ZFYVE28: variants seen among roughly 807,000 people sequenced by gnomAD.
The protein encoded by ZFYVE28 is lateral signaling target protein 2 homolog.
Under a neutral mutation model 82.1 loss-of-function variants are expected in ZFYVE28, and 40 were observed. The observed-to-expected ratio is 0.49, with a 90% CI of 0.38 to 0.63. ZFYVE28 has a LOEUF of 0.63. Ranked by LOEUF, ZFYVE28 falls within the 30% of genes least tolerant of loss-of-function variation. The pLI is 0.00. For synonymous variants in ZFYVE28, 612 were observed against 546.1 expected (o/e 1.12, Z -1.68); for missense variants, 1,321 against 1,242.1 (o/e 1.06, Z -0.96).
intron 1 of ZFYVE28, among the ~76,000 whole-genome samples, chr4:2,406,330 C>T (rs1025171068): frequency 6.6e-6 from 1 of 152,080 alleles, no homozygotes; most frequent in Non-Finnish European, 1.5e-5. Context: ...CAAGATCGTG[C>T]CACTATACTC....
intron 8 of ZFYVE28, among the ~76,000 whole-genome samples, chr4:2,290,682 C>G (rs915668720): frequency 6.6e-6 from 1 of 152,212 alleles, no homozygotes; most frequent in Admixed American, 6.5e-5. Context: ...CGGCCTCACC[C>G]CTCTCCTGCT....
chr4:2,418,452 C>T lies in ZFYVE28; in HGVS notation c.-129G>A, dbSNP rs1733373691. ...CCCCGCGCTGTCGCAGGGAGGCTGG[C>T]TAGCGAAGCCCGGAGCGCCGAGCGG... On this transcript the variant is annotated 5_prime_UTR_variant, in exon 1 of 13. Coordinates refer to ENST00000290974, the MANE Select transcript of ZFYVE28 (RefSeq NM_020972.3). This position sits in a 1 kb window ranked among gnomAD's most constrained non-coding sequence, Gnocchi z 4.6. The T allele has an allele frequency of 1.4e-6, 1 of 718,452 alleles. No individual in the cohort carries two copies. Among genetic ancestry groups the T allele is most frequent in the Non-Finnish European group, 1.7e-6 (1 of 573,598 alleles). The allele number at this position is 718,452 out of a possible 1,614,324, so 44.5% of individuals were successfully genotyped here.
In ZFYVE28 at chr4:2,362,391, C is replaced by G. The variant is rs1294272385; in HGVS notation, c.40-8318G>C. On this transcript the variant is annotated intron_variant, in intron 1 of 12. Transcript: ENST00000290974. The surrounding 1 kb of genome is among the most constrained non-coding windows in gnomAD (Gnocchi z 5.1). ...ACAAATGCGGCCCCACAGCTGTGAC[C>G]CCCACAGCAGCTGTTCCTCAGCCCT... Among the ~76,000 whole-genome samples, 1 of 152,126 alleles carries G rather than the reference C, an allele frequency of 6.6e-6. No homozygotes were observed. Among genetic ancestry groups the G allele is most frequent in the Non-Finnish European group, 1.5e-5 (1 of 68,010 alleles).
Position 2,335,728 on chromosome 4 carries a change from G to A in ZFYVE28, c.678C>T (p.Ser226=). Residue 226 remains serine, a synonymous_variant, in exon 6 of 13, where the codon AGC becomes AGT. Transcript: ENST00000290974. This position sits in a 1 kb window ranked among gnomAD's most constrained non-coding sequence, Gnocchi z 5.8. ...IDDYEPALMF[S]IPRLAIVCGL... ...ACCACACGATGGCCAGCCTGGGGAT[G>A]CTGAACATGAGGGCCGGCTCGTAGT... 1.9e-6 allele frequency: 3 copies of A among 1,577,416 alleles called. No individual in the cohort carries two copies. The highest frequency in any genetic ancestry group is 1.8e-5 in the Admixed American group (1 of 54,206).
intron 6 of ZFYVE28, chr4:2,328,623 A>G (rs1255898453): frequency 6.6e-6 from 1 of 152,666 alleles, no homozygotes; most frequent in Non-Finnish European, 1.5e-5. Flanking sequence ...GCATTCATAG[A>G]TTATAACACA....
rs1251893288 is a variant in ZFYVE28, at chr4:2,408,332, C to T, written c.39+9953G>A. On this transcript the variant is annotated intron_variant, in intron 1 of 12. Coordinates refer to ENST00000290974, the MANE Select transcript of ZFYVE28 (RefSeq NM_020972.3). The surrounding 1 kb of genome is among the most constrained non-coding windows in gnomAD (Gnocchi z 4.3). Reference sequence around the variant, plus strand: ...GATGTGACTCTGCTACTCCCCGCACCGAGAAGTGGAGGTGACAGCCCCCCC... The same window carrying T: ...GATGTGACTCTGCTACTCCCCGCACTGAGAAGTGGAGGTGACAGCCCCCCC... 2.0e-5 allele frequency among the ~76,000 whole-genome samples: 3 copies of T among 152,270 alleles called. No individual in the cohort carries two copies. Among genetic ancestry groups the T allele is most frequent in the African/African-American group, 7.2e-5 (3 of 41,562 alleles).
intron 1 of ZFYVE28, among the ~76,000 whole-genome samples, chr4:2,370,492 G>T (rs1349876445): frequency 1.3e-5 from 2 of 152,080 alleles, no homozygotes; most frequent in Non-Finnish European, 2.9e-5. Context: ...TCTAAGAATA[G>T]CCATCACCCC....
At chr4:2,336,642 T>G (rs1721743929) in intron 5 of ZFYVE28, among the ~76,000 whole-genome samples, 1 of 143,092 alleles carries the variant, frequency 7.0e-6, no homozygotes, top group Admixed American at 7.7e-5. Flanking sequence ...ACTGGGGAGG[T>G]GGGGAGTGAG....
chr4:2,374,151 C>T (rs1380887985), intron 1 of ZFYVE28, among the ~76,000 whole-genome samples: 1 of 152,194 alleles, frequency 6.6e-6, no homozygotes, highest in Non-Finnish European at 1.5e-5. Flanking sequence ...CCACCATGTC[C>T]GTAGGTGCAG....
intron 2 of ZFYVE28, among the ~76,000 whole-genome samples, chr4:2,352,643 C>T (rs1027838483): frequency 1.3e-5 from 2 of 152,124 alleles, no homozygotes; most frequent in Non-Finnish European, 2.9e-5. Context: ...GCATCCCCCT[C>T]CAGATCCTTC....
intron 1 of ZFYVE28, among the ~76,000 whole-genome samples, chr4:2,367,126 G>A (rs1402730315): frequency 1.3e-5 from 2 of 152,210 alleles, no homozygotes; most frequent in Admixed American, 1.3e-4. Flanking sequence ...TGTCGCTGCC[G>A]AGGAGGAGAA....
intron 1 of ZFYVE28, among the ~76,000 whole-genome samples, chr4:2,358,885 T>C (rs189193773): frequency 6.6e-5 from 10 of 151,840 alleles, no homozygotes; most frequent in African/African-American, 2.4e-4. Context: ...CACTGCAACC[T>C]CCGCCTCCTG....
intron 1 of ZFYVE28, among the ~76,000 whole-genome samples, chr4:2,386,605 G>T (rs1235617143): frequency 6.6e-6 from 1 of 152,162 alleles, no homozygotes; most frequent in Non-Finnish European, 1.5e-5. Context: ...AAGCTACCTT[G>T]GCTCTCTCTC....
At chr4:2,271,247 T>C (rs1735878899) in intron 12 of ZFYVE28, 64 bp downstream of exon 12, 1 of 1,524,254 alleles carries the variant, frequency 6.6e-7, no homozygotes, top group African/African-American at 1.4e-5. Context: ...CTTCCAGACC[T>C]CAGGCTCTGT....
intron 8 of ZFYVE28, among the ~76,000 whole-genome samples, chr4:2,284,128 C>T (rs1463019629): frequency 6.6e-6 from 1 of 152,250 alleles, no homozygotes; most frequent in Admixed American, 6.5e-5. Context: ...CATCAATCGA[C>T]AGCTCAGGCT....
At chr4:2,356,443 T>G (rs1725339248) in intron 1 of ZFYVE28, among the ~76,000 whole-genome samples, 2 of 28,722 alleles carry the variant, frequency 7.0e-5, no homozygotes, top group Non-Finnish European at 1.7e-4. Context: ...TCCCCGGCCG[T>G]TGATGTGCCT....
Position 2,409,183 on chromosome 4 carries a change from C to T in ZFYVE28, c.39+9102G>A, listed in dbSNP as rs1317313583. Among the ~76,000 whole-genome samples, 19 of 151,756 alleles carry T rather than the reference C, an allele frequency of 1.3e-4. No individual in the cohort carries two copies. The highest frequency in any genetic ancestry group is 3.9e-4 in the African/African-American group (16 of 41,332). ...GCACCCCCATCTCCACCCTCCACCT[C>T]GCAGCTCCTCTCCTGAGCTCCCCAT... On this transcript the variant is annotated intron_variant, in intron 1 of 12. Transcript: ENST00000290974. This position sits in a 1 kb window ranked among gnomAD's most constrained non-coding sequence, Gnocchi z 4.4.
At position 2,341,486 on chromosome 4, in the gene ZFYVE28, C is replaced by T. The variant is rs778072314; in HGVS notation, c.310G>A (p.Gly104Ser). 6.8e-6 allele frequency: 11 copies of T among 1,613,324 alleles called. No homozygotes were observed. The Admixed American group carries it at 8.3e-5, about 12-fold the overall frequency. ...GGGTGGCCACCCGCTACCTCGGCAC[C>T]GAACCACAGCTGGCCGGCCAGGTTG... ...HDNLAGQLWFGAECLAAGSII... is the reference protein window; with the variant it reads ...HDNLAGQLWFSAECLAAGSII... Residue 104 changes from glycine to serine, a missense_variant, in exon 3 of 13, where the codon GGT becomes AGT. Physicochemically the swap from Gly to Ser is moderately conservative, Grantham distance 56. Around this residue, in one of 2 missense-constraint regions of ZFYVE28, gnomAD observed 343 missense variants for 408.4 expected, o/e 0.84. Transcript: ENST00000290974. The surrounding 1 kb of genome is among the most constrained non-coding windows in gnomAD (Gnocchi z 4.5).
chr4:2,327,314 T>A (rs1720039325), intron 6 of ZFYVE28, among the ~76,000 whole-genome samples: 2 of 121,364 alleles, frequency 1.6e-5, no homozygotes, highest in African/African-American at 6.3e-5. Context: ...ATATATCGAA[T>A]AAAGTTGCCA....
Sources: gnomAD v4.1 joint callset for allele counts (sites outside exome capture counted in the v4.1 genomes callset) on GRCh38, gnomAD v4.1.1 for gene constraint, gnomAD v4.1.1 regional missense constraint, Gnocchi (gnomAD v3.1) non-coding constraint, MANE v1.5 for transcripts, NCBI Gene and HGNC (gene_info 2026-07-23, HGNC 2026-07-21) for gene names.